MAPT: variants seen among roughly 807,000 people sequenced by gnomAD.
MAPT encodes the protein microtubule associated protein tau.
A neutral mutation model predicts 67.9 loss-of-function variants in MAPT; 34 were observed. The observed-to-expected ratio is 0.50, with a 90% confidence interval of 0.38 to 0.67. The LOEUF (loss-of-function observed/expected upper bound fraction) is 0.67. Ranked by LOEUF, MAPT falls within the 30% of genes least tolerant of loss-of-function variation. The pLI is 0.00. For synonymous variants in MAPT, 456 were observed against 464.5 expected (o/e 0.98, Z 0.23); for missense variants, 881 against 1,115.2 (o/e 0.79, Z 2.99).
chr17:45,970,530 C>G (rs1267780757), intron 2 of MAPT, among the ~76,000 whole-genome samples: 2 of 152,252 alleles, frequency 1.3e-5, no homozygotes, highest in Non-Finnish European at 2.9e-5. Flanking sequence ...ACATTTGCCT[C>G]CTTTACATGG....
intron 10 of MAPT, among the ~76,000 whole-genome samples, chr17:46,013,412 T>A (rs41543512): frequency 0.21 from 31,316 of 152,056 alleles, 3,643 homozygotes; most frequent in East Asian, 0.47. Flanking sequence ...TTGACTGAGA[T>A]CAGCTGGCAG....
At chr17:45,957,632 CATT>C (rs1348351646) in intron 1 of MAPT, among the ~76,000 whole-genome samples, 1 of 152,138 alleles carries the variant, frequency 6.6e-6, no homozygotes, top group African/African-American at 2.4e-5. Flanking sequence ...GGGAGAGGCC[CATT>C]CACAAAAGCG....
intron 1 of MAPT, among the ~76,000 whole-genome samples, chr17:45,900,453 G>A (rs1299939082): frequency 2.0e-5 from 3 of 152,204 alleles, no homozygotes; most frequent in Non-Finnish European, 4.4e-5. Context: ...ATGGGCTTCA[G>A]CAAAATACAA....
intron 3 of MAPT, 142 bp from the exon 4 acceptor site, chr17:45,978,233 G>C: frequency 1.3e-6 from 1 of 754,916 alleles, no homozygotes. Flanking sequence ...AGAGAAGCCA[G>C]AGCTGAGGCA....
intron 1 of MAPT, among the ~76,000 whole-genome samples, chr17:45,960,902 A>G (rs1388329239): frequency 1.3e-5 from 2 of 152,192 alleles, no homozygotes; most frequent in Non-Finnish European, 2.9e-5. Flanking sequence ...GAAAATATGC[A>G]AATGTGTAAG....
At chr17:45,941,705 G>GCCTGCCTTCCTT (rs1390391054) in intron 1 of MAPT, among the ~76,000 whole-genome samples, 1 of 25,576 alleles carries the variant, frequency 3.9e-5, no homozygotes, top group African/African-American at 1.1e-4. Context: ...CTTCCTGCCT[G>GCCTGCCTTCCTT]CCTTCCTTCC....
At chr17:45,947,418 CTG>C (rs1304033015) in intron 1 of MAPT, among the ~76,000 whole-genome samples, 3 of 145,998 alleles carry the variant, frequency 2.1e-5, no homozygotes, top group Non-Finnish European at 4.5e-5. Context: ...CAGTCTTACT[CTG>C]TCACCCAGGC....
chr17:45,903,478 G>A (rs1057063074), intron 1 of MAPT, among the ~76,000 whole-genome samples: 16 of 151,874 alleles, frequency 1.1e-4, no homozygotes, highest in African/African-American at 3.1e-4. Flanking sequence ...CCAGCACTTT[G>A]GGAGGCCGAG....
Position 46,024,119 on chromosome 17 carries a change from T to TCGTCAG in MAPT, c.2452_2453insTCAGCG (p.Leu817_Ala818insValSer). 6.2e-7 allele frequency: 1 copy of TCGTCAG among 1,614,120 alleles called. No homozygotes were observed. The highest frequency in any genetic ancestry group is 8.5e-7 in the Non-Finnish European group (1 of 1,180,038). ...ATCGACATGGTAGACTCGCCCCAGC[T>TCGTCAG]CGCCACGCTAGCTGACGAGGTGTCT... is the stretch of plus-strand genomic sequence containing the variant. On this transcript the variant is annotated inframe_insertion, in exon 13 of 13. Coordinates refer to ENST00000262410, the MANE Select transcript of MAPT (RefSeq NM_001377265.1).
chr17:46,022,353 CAAAA>C (rs56222318), intron 12 of MAPT, among the ~76,000 whole-genome samples: 26 of 89,622 alleles, frequency 2.9e-4, no homozygotes, highest in Non-Finnish European at 3.9e-4. Flanking sequence ...ATCTTTGTCT[CAAAA>C]AAAAAAAAAA....
intron 11 of MAPT, among the ~76,000 whole-genome samples, chr17:46,018,263 AC>A (rs1382567047): frequency 6.6e-6 from 1 of 152,214 alleles, no homozygotes; most frequent in Non-Finnish European, 1.5e-5. Flanking sequence ...AGAAGAGTTT[AC>A]AGTGTAAATA....
intron 9 of MAPT, chr17:45,999,640 A>G (rs1389412849): frequency 6.2e-7 from 1 of 1,608,696 alleles, no homozygotes; most frequent in East Asian, 2.2e-5. Flanking sequence ...GAGGGGTGAG[A>G]GTCAGGCGAC....
At chr17:45,903,974 TATATA>T (rs2063905147) in intron 1 of MAPT, among the ~76,000 whole-genome samples, 1 of 31,400 alleles carries the variant, frequency 3.2e-5, no homozygotes, top group Non-Finnish European at 6.0e-5. Flanking sequence ...TATTATATAT[TATATA>T]TTATATATTT....
In MAPT at chr17:46,026,005, C is replaced by T. The variant is rs1324214481; in HGVS notation, c.*1834C>T. ...AACATATACATAGATGTTGCCCTGC[C>T]CTCCCCATCTGCACCCTGTTGAGTT... On this transcript the variant is annotated 3_prime_UTR_variant, in exon 13 of 13. Transcript: ENST00000262410. 6.6e-6 allele frequency: 1 copy of T among 151,900 alleles called. No homozygotes were observed. The highest frequency in any genetic ancestry group is 2.4e-5 in the African/African-American group (1 of 41,296). 9.4% of individuals were successfully genotyped at this position (151,900 alleles called of 1,614,324 possible).
At chr17:45,946,618 ATATAT>A (rs2068538072) in intron 1 of MAPT, among the ~76,000 whole-genome samples, 1 of 98,280 alleles carries the variant, frequency 1.0e-5, no homozygotes, top group Non-Finnish European at 2.0e-5. Context: ...AAAAAAAAAT[ATATAT>A]ATATATATAT....
At chr17:45,941,319 C>T (rs1224540132) in intron 1 of MAPT, among the ~76,000 whole-genome samples, 2 of 152,156 alleles carry the variant, frequency 1.3e-5, no homozygotes, top group Non-Finnish European at 2.9e-5. Context: ...TTTTAGTCTT[C>T]CTTGATGATT....
intron 1 of MAPT, among the ~76,000 whole-genome samples, chr17:45,959,414 C>G (rs138035600): frequency 1.3e-5 from 2 of 152,214 alleles, no homozygotes; most frequent in African/African-American, 4.8e-5. Flanking sequence ...TTCATACCCA[C>G]TTGCACTGCA....
chr17:45,926,790 T>A (rs1238722177), intron 1 of MAPT, among the ~76,000 whole-genome samples: 1 of 152,098 alleles, frequency 6.6e-6, no homozygotes, highest in Non-Finnish European at 1.5e-5. Context: ...TCATCCAGGT[T>A]CCAGCAGAAA....
At chr17:45,941,712 T>TTCCC (rs1330881945) in intron 1 of MAPT, among the ~76,000 whole-genome samples, 5 of 110,264 alleles carry the variant, frequency 4.5e-5, no homozygotes, top group Admixed American at 2.9e-4. Context: ...CCTGCCTTCC[T>TTCCC]TCCTTCCTTC....
Sources: allele counts gnomAD v4.1 joint callset (sites outside exome capture counted in the v4.1 genomes callset), GRCh38; gene constraint gnomAD v4.1.1; transcripts MANE v1.5; gene names NCBI Gene and HGNC (gene_info 2026-07-23, HGNC 2026-07-21).